DGKI: variants seen among roughly 807,000 people sequenced by gnomAD.
The protein encoded by DGKI is DAG kinase iota.
DGKI carries 55 observed loss-of-function variants against 147.5 expected under a neutral mutation model. The ratio of observed to expected loss-of-function variants is 0.37; its 90% CI spans 0.30 to 0.47. DGKI has a LOEUF of 0.47. DGKI is among the 20% of genes least tolerant of loss of function. DGKI has a pLI of 1.00. For missense variants in DGKI, 1,007 were observed against 1,323.8 expected (o/e 0.76, Z 3.71); for synonymous variants, 469 against 477.1 (o/e 0.98, Z 0.22).
intron 27 of DGKI, among the ~76,000 whole-genome samples, chr7:137,459,635 C>T (rs978230850): frequency 4.6e-5 from 7 of 151,656 alleles, no homozygotes; most frequent in South Asian, 4.2e-4. Context: ...CCACCACGCC[C>T]GGCTAATTTT....
Position 137,415,502 on chromosome 7 carries a change from T to C in DGKI, c.2762-3295A>G, listed in dbSNP as rs138856471. Among the ~76,000 whole-genome samples, 9 of 152,330 alleles carry C rather than the reference T, an allele frequency of 5.9e-5. No individual in the cohort carries two copies. The East Asian group carries it at 1.7e-3, about 29-fold the overall frequency. On this transcript the variant is annotated intron_variant, in intron 28 of 32. Coordinates refer to ENST00000614521, the MANE Select transcript of DGKI (RefSeq NM_001321708.2). ...GGTCCTGGAACTAATCCCCCACAGA[T>C]ACTGAGTAACAGCTGTATTAGCAAT... is the stretch of plus-strand genomic sequence containing the variant.
chr7:137,788,980 A>C (rs772216797), intron 1 of DGKI, among the ~76,000 whole-genome samples: 12 of 152,218 alleles, frequency 7.9e-5, no homozygotes, highest in Non-Finnish European at 1.5e-4. Context: ...TTGCTCAATA[A>C]GTATTTGTTT....
chr7:137,506,398 G>T (rs1318209628), intron 21 of DGKI, among the ~76,000 whole-genome samples: 2 of 152,094 alleles, frequency 1.3e-5, no homozygotes, highest in Admixed American at 6.6e-5. Flanking sequence ...TTCTGGAAAG[G>T]GCAAAAACTA....
chr7:137,645,523 A>G lies in DGKI; in HGVS notation c.753T>C (p.His251=). Residue 251 remains histidine (H), a synonymous_variant, in exon 6 of 33, where the codon CAT becomes CAC. Coordinates refer to ENST00000614521, the MANE Select transcript of DGKI (RefSeq NM_001321708.2). ...CCTGCCGACGCCTGTGCACCCAGTG[A>G]TGACGTACAAAATTCTGTGGGAAAA... ...SRSPRENFVR[H]HWVHRRRQEG... is the part of the protein sequence containing the mutation. The G allele has an allele frequency of 6.2e-7, 1 of 1,613,224 alleles. No individual in the cohort carries two copies. The highest frequency in any genetic ancestry group is 8.5e-7 in the Non-Finnish European group (1 of 1,179,536).
intron 27 of DGKI, among the ~76,000 whole-genome samples, chr7:137,455,582 G>A (rs1055473891): frequency 1.5e-5 from 2 of 133,350 alleles, no homozygotes; most frequent in African/African-American, 5.6e-5. Context: ...ACTGTTGGAG[G>A]ATTGTTGTTC....
rs114910459 is a variant in DGKI, at chr7:137,665,929, G to A, written c.607-9389C>T. 4.5e-3 allele frequency among the ~76,000 whole-genome samples: 679 copies of A among 152,290 alleles called. 4 individuals carry two copies. Among genetic ancestry groups the A allele is most frequent in the African/African-American group, 0.015 (641 of 41,564 alleles). On this transcript the variant is annotated intron_variant, in intron 3 of 32. Transcript: ENST00000614521. Reference sequence around the variant, plus strand: ...TCCTCTTCCTGAGAAGCAGCCAATCGGGGCTCATAGGAGAAACAATTTGGT... The same window carrying A: ...TCCTCTTCCTGAGAAGCAGCCAATCAGGGCTCATAGGAGAAACAATTTGGT...
chr7:137,399,725 C>A (rs1325975143), intron 30 of DGKI, among the ~76,000 whole-genome samples: 1 of 152,260 alleles, frequency 6.6e-6, no homozygotes, highest in African/African-American at 2.4e-5. Flanking sequence ...GCCTGACCAA[C>A]ATGGTGGAAC....
Position 137,400,201 on chromosome 7 carries a change from C to G in DGKI, c.2921-2788G>C, listed in dbSNP as rs552390556. ...TTAGCTGCCAACAGGGCACTCTTCA[C>G]GTCAGCAAGGGGCTTAAGTACCCAA... is the stretch of plus-strand genomic sequence containing the variant. On this transcript the variant is annotated intron_variant, in intron 30 of 32. Transcript: ENST00000614521. Among the ~76,000 whole-genome samples, 4 of 152,308 alleles carry G rather than the reference C, an allele frequency of 2.6e-5. No individual in the cohort carries two copies. In the East Asian group the frequency reaches 5.8e-4, roughly 22 times the overall value.
At chr7:137,705,688 T>C (rs1338018340) in intron 1 of DGKI, among the ~76,000 whole-genome samples, 3 of 152,148 alleles carry the variant, frequency 2.0e-5, no homozygotes, top group Non-Finnish European at 4.4e-5. Flanking sequence ...ATAACTTGCA[T>C]TTAAATATAC....
intron 1 of DGKI, among the ~76,000 whole-genome samples, chr7:137,820,624 C>A (rs1427860016): frequency 3.3e-5 from 5 of 152,150 alleles, no homozygotes; most frequent in African/African-American, 4.8e-5. Context: ...CAAACCCCAA[C>A]CTCATAACCT....
chr7:137,630,844 G>C (rs981445004), intron 6 of DGKI, among the ~76,000 whole-genome samples: 2 of 152,050 alleles, frequency 1.3e-5, no homozygotes, highest in African/African-American at 4.8e-5. Context: ...TTTCTTTTAT[G>C]AAAGTATTAC....
At chr7:137,764,655 GGGTACCTGCAACAGCCCTAGTT>G (rs1376123742) in intron 1 of DGKI, among the ~76,000 whole-genome samples, 3 of 152,172 alleles carry the variant, frequency 2.0e-5, no homozygotes, top group African/African-American at 7.2e-5. Context: ...GGTTTGTCTA[GGGTACCTGCAACAGCCCTAGTT>G]GGTACCTTTT....
chr7:137,545,768 C>T (rs1817842744), intron 20 of DGKI: 4 of 506,620 alleles, frequency 7.9e-6, no homozygotes, highest in Non-Finnish European at 1.4e-5. Context: ...AAGAGGGCAA[C>T]AGAAAGCAAT....
At chr7:137,610,705 C>A (rs189773680) in intron 8 of DGKI, among the ~76,000 whole-genome samples, 7 of 152,202 alleles carry the variant, frequency 4.6e-5, no homozygotes, top group Admixed American at 4.6e-4. Context: ...ATGCAAATGT[C>A]TATTCTACTT....
At chr7:137,540,760 C>A (rs77694967) in intron 20 of DGKI, among the ~76,000 whole-genome samples, 5,759 of 23,398 alleles carry the variant, frequency 0.25, 1,312 homozygotes, top group South Asian at 0.38. Context: ...TAAAAACCCC[C>A]CCAAAAAAAA....
At chr7:137,560,505 A>T (rs893536110) in intron 19 of DGKI, among the ~76,000 whole-genome samples, 1 of 152,168 alleles carries the variant, frequency 6.6e-6, no homozygotes, top group Admixed American at 6.5e-5. Context: ...TGGGCAGAAC[A>T]GTGCTCACCA....
In DGKI at chr7:137,587,077, TC is replaced by T. The variant is rs764396796; in HGVS notation, c.1425+19del. 1.1e-4 allele frequency: 175 copies of T among 1,543,402 alleles called. No homozygotes were observed. Among genetic ancestry groups the T allele is most frequent in the South Asian group, 1.0e-3 (84 of 81,640 alleles). On this transcript the variant is annotated intron_variant, in intron 13 of 32. Transcript: ENST00000614521. ...GTTTGTTGTTTGATGATATGGGCAG[TC>T]CCCGAGAGCAGTTCTTACCCCTCCC... is the stretch of plus-strand genomic sequence containing the variant.
chr7:137,517,323 GA>G (rs1339769556), intron 21 of DGKI, among the ~76,000 whole-genome samples: 4 of 99,710 alleles, frequency 4.0e-5, no homozygotes, highest in South Asian at 8.1e-4. Flanking sequence ...AAGAAAGAAA[GA>G]AAGAAAGAAA....
intron 3 of DGKI, among the ~76,000 whole-genome samples, chr7:137,675,217 A>G (rs903037339): frequency 4.6e-5 from 7 of 152,158 alleles, no homozygotes; most frequent in African/African-American, 1.7e-4. Flanking sequence ...GCATCCTTGA[A>G]ACATGGCCAC....
Sources: allele counts gnomAD v4.1 joint callset (sites outside exome capture counted in the v4.1 genomes callset), GRCh38; gene constraint gnomAD v4.1.1; transcripts MANE v1.5; gene names NCBI Gene and HGNC (gene_info 2026-07-23, HGNC 2026-07-21).